Variants in VSTM4 observed in about 807,000 individuals in gnomAD.
The protein encoded by VSTM4 is V-set and transmembrane domain containing 4.
A neutral mutation model predicts 36.4 loss-of-function variants in VSTM4; 20 were observed. The ratio of observed to expected loss-of-function variants is 0.55; its 90% confidence interval spans 0.39 to 0.80. The LOEUF (loss-of-function observed/expected upper bound fraction) is 0.80, where lower values mean the gene tolerates loss of function less well. VSTM4 is among the 30% of genes least tolerant of loss of function. The probability of loss-of-function intolerance (pLI) is 0.00; values close to 1 mark genes in which losing one functional copy is unlikely to be tolerated. For missense variants in VSTM4, 392 were observed against 404.5 expected (o/e 0.97, Z 0.26); for synonymous variants, 182 against 173.9 (o/e 1.05, Z -0.37).
At chr10:49,031,008 T>C (rs2254384) in intron 7 of VSTM4, among the ~76,000 whole-genome samples, 73,409 of 152,074 alleles carry the variant, frequency 0.48, 19,443 homozygotes, top group East Asian at 0.68. Flanking sequence ...CTGTGGTCCA[T>C]AGATGTTTGA....
At chr10:49,033,925 TTCA>T (rs1191612417) in intron 7 of VSTM4, among the ~76,000 whole-genome samples, 2 of 151,374 alleles carry the variant, frequency 1.3e-5, no homozygotes, top group South Asian at 2.1e-4. Context: ...CACCATCCTC[TTCA>T]TCATCACTAC....
chr10:49,043,843 T>C (rs1843558274), intron 7 of VSTM4, among the ~76,000 whole-genome samples: 1 of 152,192 alleles, frequency 6.6e-6, no homozygotes, highest in Non-Finnish European at 1.5e-5. Context: ...CTGGTGGAGG[T>C]GAACTGGCTT....
chr10:49,068,530 T>C (rs923350658), intron 4 of VSTM4, among the ~76,000 whole-genome samples: 6 of 152,202 alleles, frequency 3.9e-5, no homozygotes, highest in Middle Eastern at 3.4e-3. Context: ...GGGTTGATGG[T>C]CCCATTAAGA....
At chr10:49,091,985 G>A (rs546041276) in intron 2 of VSTM4, among the ~76,000 whole-genome samples, 12 of 152,180 alleles carry the variant, frequency 7.9e-5, no homozygotes, top group African/African-American at 2.7e-4. Flanking sequence ...GAGGAAGAAC[G>A]AGGCAGGAGG....
chr10:49,014,690 T>TTC lies in VSTM4; in HGVS notation c.*4958_*4959dup, dbSNP rs1843077975. Reference sequence around the variant, plus strand: ...AGAATGAGCAAAGGCTTAACCTCTATTCTCCCTGCCCTCTGCAGAGTTCAC... The same window carrying TTC: ...AGAATGAGCAAAGGCTTAACCTCTATTCTCTCCCTGCCCTCTGCAGAGTTCAC... On this transcript the variant is annotated 3_prime_UTR_variant, in exon 8 of 8. Transcript: ENST00000332853. The TTC allele has an allele frequency of 6.6e-6, 1 of 152,192 alleles. No homozygotes were observed. The highest frequency in any genetic ancestry group is 1.5e-5 in the Non-Finnish European group (1 of 68,048). The allele number at this position is 152,192 out of a possible 1,614,324, so 9.4% of individuals were successfully genotyped here.
At chr10:49,020,727 A>AGGAAGGAAGGAAGGAAGGAAGGAAGGAAG (rs1554828653) in intron 7 of VSTM4, among the ~76,000 whole-genome samples, 9 of 74,624 alleles carry the variant, frequency 1.2e-4, no homozygotes, top group African/African-American at 2.5e-4. Context: ...GAAGGAAAGA[A>AGGAAGGAAGGAAGGAAGGAAGGAAGGAAG]GAAGGAAGGA....
At position 49,030,690 on chromosome 10, in the gene VSTM4, C is replaced by A. The variant is rs184110118; in HGVS notation, c.838-10915G>T. ...TCCAAAAAGTACACAGGATGTTCAG[C>A]AAAGTGCGTCCTCAGAATGGATTTG... is the stretch of plus-strand genomic sequence containing the variant. On this transcript the variant is annotated intron_variant, in intron 7 of 7. Transcript: ENST00000332853. Among the ~76,000 whole-genome samples the A allele has an allele frequency of 4.6e-5, 7 of 152,320 alleles. No individual in the cohort carries two copies. The East Asian group carries it at 1.4e-3, about 29-fold the overall frequency.
intron 7 of VSTM4, among the ~76,000 whole-genome samples, chr10:49,031,297 T>A (rs1461806044): frequency 6.6e-6 from 1 of 152,234 alleles, no homozygotes; most frequent in East Asian, 1.9e-4. Context: ...CTTCACCTCT[T>A]TATTCCTCCA....
intron 7 of VSTM4, among the ~76,000 whole-genome samples, chr10:49,030,883 G>A (rs1843335808): frequency 6.6e-6 from 1 of 152,134 alleles, no homozygotes; most frequent in Non-Finnish European, 1.5e-5. Flanking sequence ...CATATGTTTT[G>A]GAAGCTAAAA....
intron 6 of VSTM4, 23 bp from the exon 7 acceptor site, chr10:49,047,067 T>C (rs1397961255): frequency 1.9e-6 from 3 of 1,612,446 alleles, no homozygotes; most frequent in Non-Finnish European, 2.5e-6. Flanking sequence ...GTCAAGGGTT[T>C]AGCTTGCAGT....
intron 7 of VSTM4, among the ~76,000 whole-genome samples, chr10:49,043,276 T>C (rs1236933640): frequency 6.6e-6 from 1 of 152,238 alleles, no homozygotes; most frequent in Non-Finnish European, 1.5e-5. Context: ...ATAATTGCTA[T>C]ATTGATTACA....
chr10:49,054,330 G>A (rs1375550918), intron 5 of VSTM4, among the ~76,000 whole-genome samples: 1 of 152,262 alleles, frequency 6.6e-6, no homozygotes, highest in African/African-American at 2.4e-5. Flanking sequence ...TGCATTTCAA[G>A]TCTGATTTAG....
At chr10:49,090,748 T>C (rs1444039313) in intron 2 of VSTM4, among the ~76,000 whole-genome samples, 1 of 152,230 alleles carries the variant, frequency 6.6e-6, no homozygotes. Flanking sequence ...TCCTGCCCTG[T>C]GCTCTGAGAC....
chr10:49,087,965 GTA>G (rs1590120046), intron 2 of VSTM4, among the ~76,000 whole-genome samples: 1 of 141,776 alleles, frequency 7.1e-6, no homozygotes, highest in South Asian at 2.1e-4. Context: ...ATATATATGT[GTA>G]TATATACATA....
intron 2 of VSTM4, chr10:49,102,413 C>A (rs972481660): frequency 1.0e-6 from 1 of 985,294 alleles, no homozygotes; most frequent in Non-Finnish European, 1.2e-6. Flanking sequence ...GGATTACAGG[C>A]GTAAGCCACC....
chr10:49,015,330 C>A lies in VSTM4; in HGVS notation c.*4320G>T, dbSNP rs1843089112. Reference sequence around the variant, plus strand: ...TAGAGACAGGGTTTCACCGTGTTAGCCAGGATGGTCTCGATCTCCTGACCT... The same window carrying A: ...TAGAGACAGGGTTTCACCGTGTTAGACAGGATGGTCTCGATCTCCTGACCT... On this transcript the variant is annotated 3_prime_UTR_variant, in exon 8 of 8. Transcript: ENST00000332853. The A allele has an allele frequency of 6.6e-6, 1 of 152,114 alleles. No individual in the cohort carries two copies. Among genetic ancestry groups the A allele is most frequent in the Admixed American group, 6.5e-5 (1 of 15,284 alleles). The allele number at this position is 152,114 out of a possible 1,614,324, so 9.4% of individuals were successfully genotyped here.
intron 2 of VSTM4, among the ~76,000 whole-genome samples, chr10:49,094,187 G>C (rs1844530110): frequency 6.6e-6 from 1 of 152,174 alleles, no homozygotes; most frequent in South Asian, 2.1e-4. Flanking sequence ...CCCAGCAACA[G>C]TCCTTCCCCT....
At chr10:49,108,285 T>A (rs796981543) in intron 1 of VSTM4, among the ~76,000 whole-genome samples, 1 of 152,356 alleles carries the variant, frequency 6.6e-6, no homozygotes, top group African/African-American at 2.4e-5. Flanking sequence ...GTTGCTGACG[T>A]TTAAAATTCA....
intron 5 of VSTM4, among the ~76,000 whole-genome samples, chr10:49,054,142 ATCCATGTTGGCCTGCTTCCT>A (rs1388131906): frequency 2.6e-5 from 4 of 152,112 alleles, no homozygotes; most frequent in African/African-American, 4.8e-5. Context: ...ATGGGACTTG[ATCCATGTTGGCCTGCTTCCT>A]CTGGCCCTGA....
Sources: allele counts gnomAD v4.1 joint callset (sites outside exome capture counted in the v4.1 genomes callset), GRCh38; gene constraint gnomAD v4.1.1; transcripts MANE v1.5; gene names NCBI Gene and HGNC (gene_info 2026-07-23, HGNC 2026-07-21).